MGST2: variants seen among roughly 807,000 people sequenced by gnomAD.
MGST2 encodes glutathione peroxidase MGST2.
In MGST2, 9 loss-of-function variants were observed where a neutral mutation model predicts 16.6. The observed-to-expected ratio is 0.54, with a 90% CI of 0.33 to 0.95. The LOEUF (loss-of-function observed/expected upper bound fraction) is 0.95, where lower values mean the gene tolerates loss of function less well. Among genes scored for constraint, MGST2 ranks in the 40% least tolerant of loss-of-function variants. The pLI is 0.03. For missense variants in MGST2, 159 were observed against 175.1 expected (o/e 0.91, Z 0.52); for synonymous variants, 79 against 68.0 (o/e 1.16, Z -0.79).
At position 139,735,738 on chromosome 4, in the gene MGST2, G is replaced by A. The variant is rs941965900; in HGVS notation, c.*49-4474G>A. Among the ~76,000 whole-genome samples the A allele has an allele frequency of 6.6e-6, 1 of 152,210 alleles. No homozygotes were observed. ...CCTATATGCTTACAAGTCCTCAGGG[G>A]ACTCCGGCTAGGAAGTCAGGAGTGG... On this transcript the variant is annotated intron_variant, in intron 5 of 5. Transcript: ENST00000616265. The surrounding 1 kb of genome is among the most constrained non-coding windows in gnomAD (Gnocchi z 5.8).
intron 1 of MGST2, among the ~76,000 whole-genome samples, chr4:139,669,500 C>T (rs569740121): frequency 5.4e-4 from 83 of 152,310 alleles, no homozygotes; most frequent in Non-Finnish European, 7.3e-4. Context: ...TTTAATGGGA[C>T]GCTGGGGAGG....
At chr4:139,677,878 G>T (rs1262239184) in intron 1 of MGST2, among the ~76,000 whole-genome samples, 4 of 152,192 alleles carry the variant, frequency 2.6e-5, no homozygotes, top group African/African-American at 9.7e-5. Context: ...CACCTGTGAA[G>T]ATAAGCTTTT....
intron 5 of MGST2, among the ~76,000 whole-genome samples, chr4:139,736,449 C>T (rs1353931613): frequency 6.6e-6 from 1 of 152,184 alleles, no homozygotes; most frequent in Non-Finnish European, 1.5e-5. Flanking sequence ...CTGGCTGTGA[C>T]TCCCAGAGGT....
chr4:139,716,648 A>AAAT (rs2110941568), intron 5 of MGST2: 2 of 152,762 alleles, frequency 1.3e-5, no homozygotes, highest in East Asian at 3.9e-4. Context: ...AATGATATCA[A>AAAT]AATTTTGAGA....
intron 5 of MGST2, chr4:139,720,126 A>T: frequency 6.2e-7 from 1 of 1,614,082 alleles, no homozygotes; most frequent in Non-Finnish European, 8.5e-7. Flanking sequence ...CTCATATTGT[A>T]CATTCCTGGT....
At chr4:139,713,358 C>A (rs151306353) in intron 5 of MGST2, among the ~76,000 whole-genome samples, 167 of 151,218 alleles carry the variant, frequency 1.1e-3, no homozygotes, top group Middle Eastern at 3.4e-3. Flanking sequence ...GAGTCTGTGA[C>A]ACCTCCTTTG....
chr4:139,666,171 G>T, intron 1 of MGST2, 94 bp downstream of exon 1: 1 of 1,322,350 alleles, frequency 7.6e-7, no homozygotes. Flanking sequence ...GGAGGGAGAT[G>T]GGTCCGGTGT....
chr4:139,678,154 A>G (rs569699730), intron 1 of MGST2, among the ~76,000 whole-genome samples: 1 of 152,344 alleles, frequency 6.6e-6, no homozygotes, highest in African/African-American at 2.4e-5. Flanking sequence ...TCTGTTAATT[A>G]ATCTGCCTCA....
downstream of MGST2, among the ~76,000 whole-genome samples, chr4:139,705,957 T>C (rs1727504196): frequency 6.6e-6 from 1 of 152,220 alleles, no homozygotes. Flanking sequence ...AAATGAATTA[T>C]GAGCATACAT....
intron 5 of MGST2, chr4:139,725,745 C>T (rs967966820): frequency 1.9e-6 from 3 of 1,613,756 alleles, no homozygotes; most frequent in Non-Finnish European, 1.7e-6. Context: ...GTTGCACTGG[C>T]CTCACCTTGA....
chr4:139,730,364 T>C (rs1728650276), intron 5 of MGST2: 2 of 1,508,030 alleles, frequency 1.3e-6, no homozygotes, highest in Non-Finnish European at 1.8e-6. Flanking sequence ...AGGCAGGTGC[T>C]GAATAAGTGC....
At chr4:139,730,469 G>T (rs935950874) in intron 5 of MGST2, 4 of 1,552,538 alleles carry the variant, frequency 2.6e-6, no homozygotes, top group Non-Finnish European at 3.5e-6. Context: ...CTTTGCTCCC[G>T]CAGGAACTGT....
At chr4:139,695,467 CA>C (rs1490613779) in intron 3 of MGST2, among the ~76,000 whole-genome samples, 200 bp downstream of exon 3, 1 of 152,058 alleles carries the variant, frequency 6.6e-6, no homozygotes, top group East Asian at 1.9e-4. Context: ...ACTAAAAATA[CA>C]AAAATTAGCT....
At chr4:139,741,811 A>G (rs1349058397), downstream of MGST2, among the ~76,000 whole-genome samples, 1 of 152,154 alleles carries the variant, frequency 6.6e-6, no homozygotes, top group Non-Finnish European at 1.5e-5. Context: ...AACATTCTTT[A>G]TATGTCCTGT....
downstream of MGST2, among the ~76,000 whole-genome samples, chr4:139,707,756 T>C (rs1453846325): frequency 6.6e-6 from 1 of 152,144 alleles, no homozygotes; most frequent in Non-Finnish European, 1.5e-5. Flanking sequence ...TTCTAACTGG[T>C]GTGAGATGGT....
chr4:139,676,671 G>A (rs558813185), intron 1 of MGST2, among the ~76,000 whole-genome samples: 54 of 152,276 alleles, frequency 3.5e-4, no homozygotes, highest in African/African-American at 1.3e-3. Context: ...ATTTAGGCTG[G>A]TGTTTGACCA....
At chr4:139,749,563 C>T in the MGST2 span, among the ~76,000 whole-genome samples, 2 of 152,198 alleles carry the variant, frequency 1.3e-5, no homozygotes, top group South Asian at 2.1e-4. Context: ...GGGTGGGGGG[C>T]GCCGATCAGA....
intron 1 of MGST2, among the ~76,000 whole-genome samples, chr4:139,676,220 G>T (rs902103289): frequency 1.5e-4 from 23 of 152,144 alleles, no homozygotes; most frequent in African/African-American, 4.3e-4. Context: ...ACTCATTTTT[G>T]GGGGGTATCA....
chr4:139,670,968 G>C (rs1305517520), intron 1 of MGST2, among the ~76,000 whole-genome samples: 1 of 151,952 alleles, frequency 6.6e-6, no homozygotes, highest in Non-Finnish European at 1.5e-5. Flanking sequence ...TGGAAAGTAA[G>C]CCACATACTG....
Sources: gnomAD v4.1 joint callset for allele counts (sites outside exome capture counted in the v4.1 genomes callset) on GRCh38, gnomAD v4.1.1 for gene constraint, Gnocchi (gnomAD v3.1) non-coding constraint, MANE v1.5 for transcripts, NCBI Gene and HGNC (gene_info 2026-07-23, HGNC 2026-07-21) for gene names.